The following UIMC1 variants were observed in gnomAD, a reference collection of about 807,000 sequenced individuals.
UIMC1 encodes the protein ubiquitin interaction motif containing 1, also known as BRCA1-A complex subunit RAP80.
Under a neutral mutation model 84.9 loss-of-function variants are expected in UIMC1, and 42 were observed. The ratio of observed to expected loss-of-function variants is 0.49; its 90% CI spans 0.39 to 0.64. The LOEUF (loss-of-function observed/expected upper bound fraction) is 0.64, where lower values mean the gene tolerates loss of function less well. Among genes scored for constraint, UIMC1 ranks in the 30% least tolerant of loss-of-function variants. The pLI is 0.00. For synonymous variants in UIMC1, 281 were observed against 293.0 expected, an observed-to-expected ratio of 0.96 and a Z score of 0.42; for missense variants, 825 against 847.6, an observed-to-expected ratio of 0.97 and a Z score of 0.33.
intron 1 of UIMC1, among the ~76,000 whole-genome samples, chr5:176,999,627 C>T (rs1489780489): frequency 2.0e-5 from 3 of 151,524 alleles, no homozygotes; most frequent in Non-Finnish European, 4.4e-5. Context: ...ATTTTTAGAT[C>T]CCACAAATAA....
chr5:176,906,964 A>T (rs1581321361), intron 13 of UIMC1, 150 bp downstream of exon 13: 4 of 682,714 alleles, frequency 5.9e-6, no homozygotes, highest in Non-Finnish European at 9.9e-6. Context: ...TTCCTTAAGG[A>T]GAGATGACCT....
At chr5:176,995,551 A>AT (rs1773480322) in intron 1 of UIMC1, among the ~76,000 whole-genome samples, 1 of 148,334 alleles carries the variant, frequency 6.7e-6, no homozygotes, top group African/African-American at 2.5e-5. Flanking sequence ...AAAAAAAAAA[A>AT]AAAAAAAAAA....
intron 10 of UIMC1, among the ~76,000 whole-genome samples, chr5:176,919,849 T>A (rs1761476895): frequency 6.6e-6 from 1 of 152,230 alleles, no homozygotes; most frequent in South Asian, 2.1e-4. Flanking sequence ...TCCACTGAAC[T>A]GTAATGCCTA....
At chr5:176,988,109 G>A (rs1011564703) in intron 1 of UIMC1, among the ~76,000 whole-genome samples, 1 of 145,850 alleles carries the variant, frequency 6.9e-6, no homozygotes, top group Non-Finnish European at 1.5e-5. Flanking sequence ...TCCAGCCTGG[G>A]TGACAGACTA....
Position 176,906,154 on chromosome 5 carries a change from C to G in UIMC1, c.1913-107G>C, listed in dbSNP as rs1044701499. ...CTCTAGGCACTGCTTCTCATCAGGC[C>G]TATCCAGGTAGCACAGATCCCCAAT... On this transcript the variant is annotated intron_variant, in intron 13 of 14. Coordinates refer to ENST00000511320, the MANE Select transcript of UIMC1 (RefSeq NM_001199298.2). The G allele has an allele frequency of 6.6e-6, 7 of 1,053,498 alleles. No homozygotes were observed. In the Admixed American group the frequency reaches 9.8e-5, roughly 15 times the overall value. The allele number at this position is 1,053,498 out of a possible 1,614,324, so 65.3% of individuals were successfully genotyped here.
At chr5:177,013,573 C>T (rs978020334) in intron 1 of UIMC1, among the ~76,000 whole-genome samples, 63 of 152,202 alleles carry the variant, frequency 4.1e-4, no homozygotes, top group African/African-American at 1.4e-3. Context: ...TCTCCAAAGA[C>T]GTATTCTAGC....
At position 176,986,530 on chromosome 5, in the gene UIMC1, CCT is replaced by C. The variant is rs1407802461; in HGVS notation, c.-8-3909_-8-3908del. On this transcript the variant is annotated intron_variant, in intron 1 of 14. Coordinates refer to ENST00000511320, the MANE Select transcript of UIMC1 (RefSeq NM_001199298.2). ...AGGCAACTGGGCAACAGAGCAAGAC[CCT>C]GTCTCCAAAAAAAAAAAAAAAAAAA... Among the ~76,000 whole-genome samples, 3 of 135,242 alleles carry C rather than the reference CCT, an allele frequency of 2.2e-5. No individual in the cohort carries two copies. The Admixed American group carries it at 2.4e-4, about 11-fold the overall frequency. The allele number at this position is 135,242 out of a possible 152,430, so 88.7% of individuals were successfully genotyped here.
At chr5:177,000,891 C>G (rs1345578489) in intron 1 of UIMC1, among the ~76,000 whole-genome samples, 1 of 151,982 alleles carries the variant, frequency 6.6e-6, no homozygotes, top group Non-Finnish European at 1.5e-5. Flanking sequence ...AGTTGAGTTC[C>G]TTATACATTC....
intron 10 of UIMC1, among the ~76,000 whole-genome samples, chr5:176,914,064 T>C (rs763165091): frequency 0.011 from 1,291 of 122,480 alleles, 8 homozygotes; most frequent in South Asian, 0.026. Flanking sequence ...TACCATACCA[T>C]ACCATACCAC....
At chr5:176,906,720 T>G (rs909356758) in intron 13 of UIMC1, among the ~76,000 whole-genome samples, 1 of 152,218 alleles carries the variant, frequency 6.6e-6, no homozygotes, top group Non-Finnish European at 1.5e-5. Context: ...GATCACAGGT[T>G]GCGACACTAA....
chr5:176,974,334 A>C (rs1040359855), intron 3 of UIMC1, among the ~76,000 whole-genome samples: 1 of 152,214 alleles, frequency 6.6e-6, no homozygotes, highest in African/African-American at 2.4e-5. Flanking sequence ...GAATGATTGG[A>C]TATCCATATG....
intron 10 of UIMC1, among the ~76,000 whole-genome samples, chr5:176,928,747 C>G (rs1054594098): frequency 6.6e-6 from 1 of 151,548 alleles, no homozygotes; most frequent in Admixed American, 6.6e-5. Flanking sequence ...GTCAGGAGAT[C>G]AAGACCATCC....
chr5:176,952,999 T>C (rs1409546797), intron 8 of UIMC1, among the ~76,000 whole-genome samples: 1 of 152,130 alleles, frequency 6.6e-6, no homozygotes, highest in African/African-American at 2.4e-5. Context: ...AATGTGACCT[T>C]TGGAAGGTAA....
At chr5:177,016,884 A>G (rs1775685724) in intron 1 of UIMC1, among the ~76,000 whole-genome samples, 1 of 147,988 alleles carries the variant, frequency 6.8e-6, no homozygotes, top group Non-Finnish European at 1.5e-5. Flanking sequence ...ATAGCCAGGC[A>G]TGGTGGCGGG....
At position 176,942,415 on chromosome 5, in the gene UIMC1, C is replaced by T. The variant is rs549974057; in HGVS notation, c.1597+920G>A. Among the ~76,000 whole-genome samples the T allele has an allele frequency of 1.6e-4, 25 of 152,122 alleles. No individual in the cohort carries two copies. The South Asian group carries it at 5.2e-3, about 32-fold the overall frequency. ...TGCACTGCACTGATTTCTAGCCTAC[C>T]TATGTAAAAGAATAAGTTAATACGT... On this transcript the variant is annotated intron_variant, in intron 10 of 14. Coordinates refer to ENST00000511320, the MANE Select transcript of UIMC1 (RefSeq NM_001199298.2).
At chr5:176,951,409 G>C in intron 9 of UIMC1, 65 bp downstream of exon 9, 1 of 1,238,698 alleles carries the variant, frequency 8.1e-7, no homozygotes, top group Non-Finnish European at 1.1e-6. Flanking sequence ...TGTCAACGTT[G>C]CATCAGAGAG....
chr5:176,953,590 G>A (rs543071006), intron 8 of UIMC1, among the ~76,000 whole-genome samples: 4 of 150,528 alleles, frequency 2.7e-5, no homozygotes, highest in Non-Finnish European at 5.9e-5. Flanking sequence ...TTTCCCTAAA[G>A]GTATTTTCAA....
rs190259871 is a variant in UIMC1 at position 176,990,667 on chromosome 5, T to C, written c.-8-8044A>G. Among the ~76,000 whole-genome samples the C allele has an allele frequency of 1.8e-4, 28 of 152,182 alleles. No individual in the cohort carries two copies. In the East Asian group the frequency reaches 5.4e-3, roughly 29 times the overall value. On this transcript the variant is annotated intron_variant, in intron 1 of 14. Coordinates refer to ENST00000511320, the MANE Select transcript of UIMC1 (RefSeq NM_001199298.2). ...TGCCATATTTCTAATATAAATAGAT[T>C]TTATATTTATGTTTTTGTTTCTTGA...
At chr5:176,985,978 G>A (rs192319052) in intron 1 of UIMC1, among the ~76,000 whole-genome samples, 215 of 152,058 alleles carry the variant, frequency 1.4e-3, no homozygotes, top group Middle Eastern at 3.4e-3. Flanking sequence ...TCAGCTGGGC[G>A]CAGTGGCTCA....
Sources: allele counts gnomAD v4.1 joint callset (sites outside exome capture counted in the v4.1 genomes callset), GRCh38; gene constraint gnomAD v4.1.1; transcripts MANE v1.5; gene names NCBI Gene and HGNC (gene_info 2026-07-23, HGNC 2026-07-21).